Variants in WIF1 observed in about 807,000 individuals in gnomAD.
WIF1 encodes the protein Wnt inhibitory factor 1.
In WIF1, 35 loss-of-function variants were observed where a neutral mutation model predicts 53.5. The ratio of observed to expected loss-of-function variants is 0.65; its 90% CI spans 0.50 to 0.87. WIF1 has a LOEUF of 0.87. Among genes scored for constraint, WIF1 ranks in the 40% least tolerant of loss-of-function variants. The probability of loss-of-function intolerance (pLI) is 0.00; values close to 1 mark genes in which losing one functional copy is unlikely to be tolerated. For missense variants in WIF1, 467 were observed against 476.8 expected (o/e 0.98, Z 0.19); for synonymous variants, 171 against 170.4 (o/e 1.00, Z -0.03).
intron 2 of WIF1, among the ~76,000 whole-genome samples, chr12:65,085,858 A>G (rs1883029924): frequency 6.6e-6 from 1 of 152,216 alleles, no homozygotes; most frequent in Non-Finnish European, 1.5e-5. Context: ...TTGGCTTCAC[A>G]TGAATCTGAA....
At chr12:65,064,859 TAAG>T (rs980870897) in intron 6 of WIF1, among the ~76,000 whole-genome samples, 1 of 152,160 alleles carries the variant, frequency 6.6e-6, no homozygotes, top group Non-Finnish European at 1.5e-5. Context: ...CACGCCTACA[TAAG>T]AAGGTCTCAC....
chr12:65,117,736 C>T (rs930240157), intron 2 of WIF1, among the ~76,000 whole-genome samples: 1 of 152,178 alleles, frequency 6.6e-6, no homozygotes, highest in Non-Finnish European at 1.5e-5. Context: ...AGCGATAGAT[C>T]ATCAGGCATT....
At chr12:65,080,852 C>T (rs917734510) in intron 2 of WIF1, among the ~76,000 whole-genome samples, 1 of 151,872 alleles carries the variant, frequency 6.6e-6, no homozygotes, top group Non-Finnish European at 1.5e-5. Context: ...CATTTGCTAC[C>T]CCATAATTAT....
intron 6 of WIF1, among the ~76,000 whole-genome samples, chr12:65,063,848 G>T (rs1467607524): frequency 2.6e-5 from 4 of 151,942 alleles, no homozygotes; most frequent in Non-Finnish European, 5.9e-5. Flanking sequence ...CAGATGGCTG[G>T]GAGTAAAGGT....
intron 2 of WIF1, among the ~76,000 whole-genome samples, chr12:65,116,744 C>T (rs1883517054): frequency 6.6e-6 from 1 of 151,450 alleles, no homozygotes; most frequent in East Asian, 1.9e-4. Flanking sequence ...ACCAGCCTGG[C>T]CAACATGGTG....
chr12:65,068,253 G>A (rs1882718204), intron 4 of WIF1, among the ~76,000 whole-genome samples: 1 of 152,126 alleles, frequency 6.6e-6, no homozygotes, highest in Non-Finnish European at 1.5e-5. Context: ...TGGGCATCTG[G>A]GGTGTGGTGG....
intron 2 of WIF1, among the ~76,000 whole-genome samples, chr12:65,096,461 T>C (rs1256678995): frequency 1.3e-5 from 2 of 152,174 alleles, no homozygotes; most frequent in African/African-American, 4.8e-5. Context: ...AGTGTGGCAA[T>C]TTCTCAAGGA....
Position 65,056,022 on chromosome 12 carries a change from G to A in WIF1, c.922+9C>T, listed in dbSNP as rs1304456580. 6.2e-7 allele frequency: 1 copy of A among 1,612,976 alleles called. No homozygotes were observed. Among genetic ancestry groups the A allele is most frequent in the South Asian group, 1.1e-5 (1 of 90,876 alleles). ...TAGCCCAGATTGGCAATGTGTATGG[G>A]GTACTTACGCTTTGAACAGAGGTCT... On this transcript the variant is annotated intron_variant, in intron 8 of 9. Coordinates refer to ENST00000286574, the MANE Select transcript of WIF1 (RefSeq NM_007191.5).
At chr12:65,061,832 A>T (rs777853391) in intron 7 of WIF1, among the ~76,000 whole-genome samples, 11 of 152,138 alleles carry the variant, frequency 7.2e-5, no homozygotes, top group Non-Finnish European at 1.0e-4. Context: ...TTTTGCTCCA[A>T]CTGTGATTCT....
In WIF1 at chr12:65,068,649, A is replaced by ATGTGTGTGTGTGTG. The variant is rs10590995; in HGVS notation, c.538+101_538+114dup. ...TTATAGAGCCATCATCCAAAAAACC[A>ATGTGTGTGTGTGTG]TGTGTGTGTGTGTGTGTGTGTGTGT... On this transcript the variant is annotated intron_variant, in intron 4 of 9. Transcript: ENST00000286574. 7.1e-5 allele frequency: 71 copies of ATGTGTGTGTGTGTG among 1,005,320 alleles called. No homozygotes were observed. The African/African-American group carries it at 8.5e-4, about 12-fold the overall frequency. 62.3% of individuals were successfully genotyped at this position (1,005,320 alleles called of 1,614,324 possible). A position where few individuals can be genotyped will look rare whatever the true frequency, so the allele number is the denominator to read the frequency against.
chr12:65,080,843 A>G (rs1199502286), intron 2 of WIF1, among the ~76,000 whole-genome samples: 1 of 152,180 alleles, frequency 6.6e-6, no homozygotes, highest in Non-Finnish European at 1.5e-5. Context: ...ATAAGTTATC[A>G]TTTGCTACCC....
chr12:65,104,957 T>C (rs1057346658), intron 2 of WIF1, among the ~76,000 whole-genome samples: 1 of 152,012 alleles, frequency 6.6e-6, no homozygotes, highest in African/African-American at 2.4e-5. Flanking sequence ...GCTGAAGAAA[T>C]TGGGGGTGTT....
intron 9 of WIF1, among the ~76,000 whole-genome samples, chr12:65,053,078 T>C (rs891009909): frequency 9.2e-5 from 14 of 152,168 alleles, no homozygotes; most frequent in African/African-American, 3.4e-4. Context: ...AGAGCTTCGG[T>C]TTACTCTTTT....
At chr12:65,060,496 G>A (rs1416181850) in intron 7 of WIF1, among the ~76,000 whole-genome samples, 1 of 152,154 alleles carries the variant, frequency 6.6e-6, no homozygotes, top group Non-Finnish European at 1.5e-5. Flanking sequence ...TTAAGAATAA[G>A]CAAGTCTAGA....
chr12:65,101,745 A>C (rs1280878655), intron 2 of WIF1, among the ~76,000 whole-genome samples: 1 of 152,214 alleles, frequency 6.6e-6, no homozygotes, highest in Non-Finnish European at 1.5e-5. Context: ...ATGAGGACAA[A>C]AGTGAAATAC....
chr12:65,082,562 G>C (rs1403937722), intron 2 of WIF1, among the ~76,000 whole-genome samples: 1 of 152,158 alleles, frequency 6.6e-6, no homozygotes, highest in African/African-American at 2.4e-5. Context: ...AAGCATAAAA[G>C]ACACCCAAAT....
At chr12:65,102,092 T>C (rs1323896385) in intron 2 of WIF1, among the ~76,000 whole-genome samples, 1 of 152,226 alleles carries the variant, frequency 6.6e-6, no homozygotes, top group Non-Finnish European at 1.5e-5. Context: ...TTTAGTACTT[T>C]AAGAAACTGA....
intron 4 of WIF1, 67 bp from the exon 5 acceptor site, chr12:65,067,857 T>A: frequency 7.3e-7 from 1 of 1,376,786 alleles, no homozygotes; most frequent in Non-Finnish European, 1.0e-6. Flanking sequence ...TCACAGCCAG[T>A]GTGAGACAGT....
Position 65,062,513 on chromosome 12 carries a change from G to C in WIF1, c.794C>G (p.Pro265Arg). 1.2e-6 allele frequency: 2 copies of C among 1,608,458 alleles called. No homozygotes were observed. Among genetic ancestry groups the C allele is most frequent in the Non-Finnish European group, 1.7e-6 (2 of 1,176,958 alleles). ...ACACTGCTCTCCCTCTAGTCCTGGAGGGCAAATACATTTTCCAGGGTAGAA... is the reference window on the plus strand; with the variant it reads ...ACACTGCTCTCCCTCTAGTCCTGGACGGCAAATACATTTTCCAGGGTAGAA... Reference protein sequence around the residue: ...TCFYPGKCICPPGLEGEQCEI... With the variant: ...TCFYPGKCICRPGLEGEQCEI... Residue 265 changes from proline to arginine, a missense_variant, in exon 7 of 10, where the codon CCT becomes CGT. By Grantham distance (103) the Pro-to-Arg change is moderately radical. Transcript: ENST00000286574.
Sources: gnomAD v4.1 joint callset for allele counts (sites outside exome capture counted in the v4.1 genomes callset) on GRCh38, gnomAD v4.1.1 for gene constraint, MANE v1.5 for transcripts, NCBI Gene and HGNC (gene_info 2026-07-23, HGNC 2026-07-21) for gene names.